The following DNAJC5B variants were observed in gnomAD, a reference collection of about 807,000 sequenced individuals.
DNAJC5B encodes the protein dnaJ homolog subfamily C member 5B.
DNAJC5B carries 23 observed loss-of-function variants against 24.7 expected under a neutral mutation model. The observed-to-expected ratio is 0.93, with a 90% CI of 0.67 to 1.32. The LOEUF (loss-of-function observed/expected upper bound fraction) is 1.32. Ranked by LOEUF, DNAJC5B falls within the 40% of genes most tolerant of loss-of-function variation. The pLI is 0.00. For synonymous variants in DNAJC5B, 101 were observed against 90.1 expected (o/e 1.12, Z -0.68); for missense variants, 238 against 240.8 (o/e 0.99, Z 0.08).
At chr8:66,054,121 A>G (rs935328303) in intron 3 of DNAJC5B, among the ~76,000 whole-genome samples, 1 of 151,762 alleles carries the variant, frequency 6.6e-6, no homozygotes, top group Non-Finnish European at 1.5e-5. Context: ...TATAACACAT[A>G]TTTTCAATTA....
intron 1 of DNAJC5B, among the ~76,000 whole-genome samples, chr8:66,022,270 C>A (rs1806147121): frequency 6.6e-6 from 1 of 152,126 alleles, no homozygotes; most frequent in Non-Finnish European, 1.5e-5. Context: ...CTTTACCTTG[C>A]CTTGGGGTTT....
chr8:66,042,162 C>CA (rs1806624299), intron 1 of DNAJC5B, among the ~76,000 whole-genome samples: 1 of 152,178 alleles, frequency 6.6e-6, no homozygotes, highest in African/African-American at 2.4e-5. Flanking sequence ...CTTTGACTCA[C>CA]ACACCCAGGG....
intron 1 of DNAJC5B, among the ~76,000 whole-genome samples, chr8:66,030,487 C>T (rs1157080218): frequency 6.6e-6 from 1 of 152,194 alleles, no homozygotes; most frequent in Non-Finnish European, 1.5e-5. Context: ...TAGTTCATCT[C>T]CAGAATCATG....
At chr8:66,081,235 G>A (rs1365740935) in intron 5 of DNAJC5B, among the ~76,000 whole-genome samples, 1 of 152,140 alleles carries the variant, frequency 6.6e-6, no homozygotes, top group Non-Finnish European at 1.5e-5. Context: ...AGATCTCACA[G>A]GATTCACAGC....
intron 4 of DNAJC5B, 102 bp from the exon 5 acceptor site, chr8:66,080,275 G>C (rs7005882): frequency 0.052 from 78,688 of 1,505,034 alleles, 3,625 homozygotes; most frequent in African/African-American, 0.23. Flanking sequence ...ACTGTGAAGT[G>C]TTCAGGTCTC....
chr8:66,046,724 T>C (rs1228280383), intron 2 of DNAJC5B, among the ~76,000 whole-genome samples: 1 of 152,242 alleles, frequency 6.6e-6, no homozygotes, highest in East Asian at 1.9e-4. Context: ...AGACTTCATA[T>C]GACAGTATTC....
chr8:66,083,003 C>CTTTTTTTTTTTTT (rs765749597), intron 5 of DNAJC5B, among the ~76,000 whole-genome samples: 10 of 86,724 alleles, frequency 1.2e-4, no homozygotes, highest in African/African-American at 4.4e-4. Flanking sequence ...CTTTTCTTTT[C>CTTTTTTTTTTTTT]TTTTTTTTTT....
chr8:66,099,459 T>G (rs1013495076), intron 5 of DNAJC5B, among the ~76,000 whole-genome samples: 1 of 152,224 alleles, frequency 6.6e-6, no homozygotes, highest in Non-Finnish European at 1.5e-5. Context: ...CTAAGCAAAC[T>G]CTCAGTTTTG....
At chr8:66,095,233 A>T (rs1026817359) in intron 5 of DNAJC5B, among the ~76,000 whole-genome samples, 1 of 152,084 alleles carries the variant, frequency 6.6e-6, no homozygotes, top group Non-Finnish European at 1.5e-5. Flanking sequence ...TGCAAATTTT[A>T]AACTATTGAT....
At chr8:66,070,564 T>C (rs1017712631) in intron 3 of DNAJC5B, among the ~76,000 whole-genome samples, 1 of 151,848 alleles carries the variant, frequency 6.6e-6, no homozygotes, top group Non-Finnish European at 1.5e-5. Flanking sequence ...AGGACACAAA[T>C]GGAAAAACAT....
intron 1 of DNAJC5B, among the ~76,000 whole-genome samples, chr8:66,027,206 C>A (rs915497360): frequency 2.0e-5 from 3 of 152,166 alleles, no homozygotes; most frequent in East Asian, 3.8e-4. Flanking sequence ...GGTAGAGTGC[C>A]AGGCACTGGT....
intron 3 of DNAJC5B, among the ~76,000 whole-genome samples, chr8:66,053,936 C>T (rs865791852): frequency 0.015 from 2,138 of 138,264 alleles, 46 homozygotes; most frequent in African/African-American, 0.053. Flanking sequence ...GCCTACTACC[C>T]TTTTTTTTTT....
intron 3 of DNAJC5B, among the ~76,000 whole-genome samples, chr8:66,069,732 C>T (rs957589461): frequency 1.3e-5 from 2 of 152,164 alleles, no homozygotes; most frequent in Non-Finnish European, 2.9e-5. Flanking sequence ...ATGCTGATAC[C>T]AAAACCTGGC....
chr8:66,058,524 G>A (rs376652860), intron 3 of DNAJC5B, among the ~76,000 whole-genome samples: 1 of 152,186 alleles, frequency 6.6e-6, no homozygotes, highest in African/African-American at 2.4e-5. Context: ...TAGCAAGGAG[G>A]TGTGATCCAA....
chr8:66,086,865 T>C (rs1807738206), intron 5 of DNAJC5B, among the ~76,000 whole-genome samples: 1 of 152,208 alleles, frequency 6.6e-6, no homozygotes, highest in South Asian at 2.1e-4. Flanking sequence ...CCCCATCTTT[T>C]ATCCAGAAAT....
At chr8:66,026,331 G>A (rs984850411) in intron 1 of DNAJC5B, among the ~76,000 whole-genome samples, 6 of 152,110 alleles carry the variant, frequency 3.9e-5, no homozygotes, top group South Asian at 2.1e-4. Context: ...GGGCTGAGAC[G>A]ATGGGGTTTT....
rs770909172 is a variant in DNAJC5B at position 66,051,606 on chromosome 8, T to C, written c.59T>C (p.Leu20Pro). Residue 20 changes from leucine to proline, a missense_variant, in exon 3 of 6, where the codon CTA becomes CCA. Transcript: ENST00000276570. The stretch of plus-strand genomic sequence containing the variant: ...ACTCTGTCAACAACAGGAGAAGCTC[T>C]ATACGAAATTCTTGGTCTGCATAAG... ...QRTLSTTGEA[L>P]YEILGLHKGA... 2 of 1,614,128 alleles carry C rather than the reference T, an allele frequency of 1.2e-6. No individual in the cohort carries two copies. The highest frequency in any genetic ancestry group is 1.7e-6 in the Non-Finnish European group (2 of 1,179,996).
At chr8:66,075,809 T>G (rs1431389793) in intron 3 of DNAJC5B, among the ~76,000 whole-genome samples, 2 of 152,244 alleles carry the variant, frequency 1.3e-5, no homozygotes, top group East Asian at 3.8e-4. Flanking sequence ...TGTGATTTGT[T>G]CCATTTATCA....
At chr8:66,040,166 C>T (rs868384093) in intron 1 of DNAJC5B, among the ~76,000 whole-genome samples, 4 of 152,014 alleles carry the variant, frequency 2.6e-5, no homozygotes, top group Non-Finnish European at 4.4e-5. Context: ...CCGAGGCAGG[C>T]GTATCATGAG....
Sources: gnomAD v4.1 joint callset for allele counts (sites outside exome capture counted in the v4.1 genomes callset) on GRCh38, gnomAD v4.1.1 for gene constraint, MANE v1.5 for transcripts, NCBI Gene and HGNC (gene_info 2026-07-23, HGNC 2026-07-21) for gene names.